The following SSH2 variants were observed in gnomAD, a reference collection of about 807,000 sequenced individuals.
SSH2 encodes the protein protein phosphatase Slingshot homolog 2.
Under a neutral mutation model 135.2 loss-of-function variants are expected in SSH2, and 37 were observed. The ratio of observed to expected loss-of-function variants is 0.27; its 90% CI spans 0.21 to 0.36. The LOEUF (loss-of-function observed/expected upper bound fraction) is 0.36. SSH2 is among the 10% of genes least tolerant of loss of function. SSH2 has a pLI of 1.00. For synonymous variants in SSH2, 628 were observed against 646.2 expected (o/e 0.97, Z 0.43); for missense variants, 1,408 against 1,765.3 (o/e 0.80, Z 3.63).
chr17:29,745,252 T>C (rs2151217370), intron 3 of SSH2, among the ~76,000 whole-genome samples: 2 of 151,936 alleles, frequency 1.3e-5, no homozygotes, highest in Middle Eastern at 3.4e-3. Context: ...CTCTGCCTCC[T>C]GGGTTCAAGC....
At chr17:29,673,896 C>A in intron 8 of SSH2, 1 of 321,582 alleles carries the variant, frequency 3.1e-6, no homozygotes, top group Non-Finnish European at 6.2e-6. Context: ...ATAGATGTAC[C>A]ATAATTTACT....
intron 3 of SSH2, among the ~76,000 whole-genome samples, chr17:29,786,006 G>C (rs2041956106): frequency 6.6e-6 from 1 of 150,784 alleles, no homozygotes; most frequent in African/African-American, 2.4e-5. Flanking sequence ...GGGTTTCACC[G>C]TGTCAGCCAG....
chr17:29,806,229 CT>C (rs1485894619), intron 2 of SSH2, among the ~76,000 whole-genome samples: 1 of 152,178 alleles, frequency 6.6e-6, no homozygotes, highest in Non-Finnish European at 1.5e-5. Flanking sequence ...TGATTATTGT[CT>C]CATTTGAACC....
chr17:29,635,904 A>G, intron 15 of SSH2, 64 bp downstream of exon 15: 1 of 1,241,748 alleles, frequency 8.1e-7, no homozygotes, highest in Non-Finnish European at 1.1e-6. Flanking sequence ...ACATAACATA[A>G]TCCCAAATAA....
chr17:29,912,761 A>C (rs977376005), intron 1 of SSH2, among the ~76,000 whole-genome samples: 1 of 152,182 alleles, frequency 6.6e-6, no homozygotes, highest in South Asian at 2.1e-4. Flanking sequence ...AAAAAATATC[A>C]AAAGATTTCA....
At chr17:29,716,846 C>A (rs1305241137) in intron 3 of SSH2, among the ~76,000 whole-genome samples, 1 of 152,130 alleles carries the variant, frequency 6.6e-6, no homozygotes, top group Admixed American at 6.6e-5. Context: ...TGAAACTCCT[C>A]CCCCACTCTA....
chr17:29,661,068 A>G (rs902426152), intron 11 of SSH2, among the ~76,000 whole-genome samples: 34 of 148,582 alleles, frequency 2.3e-4, no homozygotes, highest in Non-Finnish European at 4.4e-4. Flanking sequence ...TCTCAAAAAA[A>G]AAAAAAAAAA....
At chr17:29,705,520 C>T (rs184804464) in intron 3 of SSH2, among the ~76,000 whole-genome samples, 3 of 152,298 alleles carry the variant, frequency 2.0e-5, no homozygotes, top group Non-Finnish European at 4.4e-5. Context: ...TATCTATCTA[C>T]TCACCAAATA....
intron 3 of SSH2, among the ~76,000 whole-genome samples, chr17:29,717,463 C>A (rs556068378): frequency 1.3e-5 from 2 of 152,318 alleles, no homozygotes; most frequent in Admixed American, 1.3e-4. Flanking sequence ...ACTTAAAAAT[C>A]CAGCTTCTTT....
Position 29,676,880 on chromosome 17 carries a change from A to C in SSH2, c.554T>G (p.Phe185Cys), listed in dbSNP as rs1274612626. Residue 185 changes from phenylalanine to cysteine, a missense_variant, in exon 8 of 16, where the codon TTC (phenylalanine) becomes TGC (cysteine). By Grantham distance (205) the Phe-to-Cys change is radical (BLOSUM62 -2). Coordinates refer to ENST00000540801, the MANE Select transcript of SSH2 (RefSeq NM_001282129.2). The part of the protein sequence containing the change: ...TLIHLDGDGG[F>C]SVSTDNRVHI... ...AACTCTGTTATCCGTCGATACACTG[A>C]ACCCACTAAGGACAAATGAGAACAA... 5 of 1,613,758 alleles carry C rather than the reference A, an allele frequency of 3.1e-6. No homozygotes were observed. The highest frequency in any genetic ancestry group is 4.2e-6 in the Non-Finnish European group (5 of 1,179,742).
At chr17:29,902,956 C>T (rs995760910) in intron 1 of SSH2, among the ~76,000 whole-genome samples, 7 of 152,058 alleles carry the variant, frequency 4.6e-5, no homozygotes, top group East Asian at 3.9e-4. Flanking sequence ...GAAGCCGAGG[C>T]GGGAAGATCA....
intron 2 of SSH2, among the ~76,000 whole-genome samples, chr17:29,808,253 T>G (rs2042381442): frequency 6.6e-6 from 1 of 152,200 alleles, no homozygotes; most frequent in African/African-American, 2.4e-5. Context: ...CTCAGCCTTC[T>G]GAGTAACAGG....
At chr17:29,924,781 T>C (rs1205341241) in intron 1 of SSH2, among the ~76,000 whole-genome samples, 1 of 152,158 alleles carries the variant, frequency 6.6e-6, no homozygotes, top group Admixed American at 6.5e-5. Flanking sequence ...AATATCCACA[T>C]TTATAAGATT....
chr17:29,646,499 T>G (rs754731841), intron 14 of SSH2, among the ~76,000 whole-genome samples: 1 of 152,132 alleles, frequency 6.6e-6, no homozygotes, highest in African/African-American at 2.4e-5. Context: ...CATATATAAT[T>G]GGATTAAATT....
chr17:29,716,696 T>G (rs2039637092), intron 3 of SSH2: 2 of 618,188 alleles, frequency 3.2e-6, no homozygotes. Context: ...TTTTGGTGAA[T>G]TACTGGAAGA....
At chr17:29,776,716 A>C (rs2041709283) in intron 3 of SSH2, 1 of 152,210 alleles carries the variant, frequency 6.6e-6, no homozygotes, top group East Asian at 1.9e-4. Context: ...GTGCCATGGA[A>C]TTATAGGGGG....
intron 14 of SSH2, among the ~76,000 whole-genome samples, chr17:29,644,108 A>G (rs1281568922): frequency 6.6e-6 from 1 of 152,186 alleles, no homozygotes; most frequent in Non-Finnish European, 1.5e-5. Flanking sequence ...GGAGATGATA[A>G]GTGGTACAAC....
At chr17:29,923,025 C>G (rs2067002672) in intron 1 of SSH2, among the ~76,000 whole-genome samples, 1 of 152,196 alleles carries the variant, frequency 6.6e-6, no homozygotes, top group Non-Finnish European at 1.5e-5. Flanking sequence ...ATTCTCCTGC[C>G]TCAGCCTCCC....
intron 12 of SSH2, among the ~76,000 whole-genome samples, chr17:29,652,096 T>G (rs2036600347): frequency 6.6e-6 from 1 of 151,918 alleles, no homozygotes; most frequent in Admixed American, 6.6e-5. Context: ...GAGTCGAGAT[T>G]GCGCCATTGC....
Sources: gnomAD v4.1 joint callset for allele counts (sites outside exome capture counted in the v4.1 genomes callset) on GRCh38, gnomAD v4.1.1 for gene constraint, MANE v1.5 for transcripts, NCBI Gene and HGNC (gene_info 2026-07-23, HGNC 2026-07-21) for gene names.